Variants in CCM2L observed in about 807,000 individuals in gnomAD.
The protein encoded by CCM2L is CCM2 like scaffold protein.
CCM2L carries 36 observed loss-of-function variants against 54.1 expected under a neutral mutation model. The observed-to-expected ratio is 0.67, with a 90% CI of 0.51 to 0.88. The LOEUF (loss-of-function observed/expected upper bound fraction) is 0.88, where lower values mean the gene tolerates loss of function less well. CCM2L is among the 40% of genes least tolerant of loss of function. CCM2L has a pLI of 0.00. For synonymous variants in CCM2L, 351 were observed against 359.3 expected, an observed-to-expected ratio of 0.98 and a Z score of 0.26; for missense variants, 700 against 812.1, an observed-to-expected ratio of 0.86 and a Z score of 1.68.
At chr20:32,030,932 G>T (rs1439730438) in intron 9 of CCM2L, 69 bp from the exon 10 acceptor site, 1 of 1,260,508 alleles carries the variant, frequency 7.9e-7, no homozygotes. Context: ...GATCTGCAGA[G>T]AGGACGCTTC....
chr20:32,020,665 C>T (rs1386276370), intron 5 of CCM2L, among the ~76,000 whole-genome samples: 1 of 152,200 alleles, frequency 6.6e-6, no homozygotes, highest in Non-Finnish European at 1.5e-5. Flanking sequence ...TTCTCACACA[C>T]ACCCCATATC....
chr20:32,011,176 TCA>T (rs1323853071), intron 1 of CCM2L, among the ~76,000 whole-genome samples: 1 of 132,140 alleles, frequency 7.6e-6, no homozygotes, highest in Non-Finnish European at 1.6e-5. Flanking sequence ...CCCACATGAA[TCA>T]CAGAGGGCTC....
chr20:32,012,703 G>A (rs1354893344), intron 1 of CCM2L, among the ~76,000 whole-genome samples: 2 of 152,144 alleles, frequency 1.3e-5, no homozygotes, highest in Non-Finnish European at 2.9e-5. Flanking sequence ...CACTAGTCTA[G>A]GTCATTTATC....
At chr20:32,025,650 A>G (rs566546210) in intron 6 of CCM2L, among the ~76,000 whole-genome samples, 1 of 151,966 alleles carries the variant, frequency 6.6e-6, no homozygotes, top group South Asian at 2.1e-4. Flanking sequence ...CAAGGCTCCT[A>G]TGAGGTAGGT....
chr20:32,022,329 T>C (rs2064812470), intron 5 of CCM2L, among the ~76,000 whole-genome samples: 1 of 152,190 alleles, frequency 6.6e-6, no homozygotes, highest in South Asian at 2.1e-4. Context: ...GACTAATCAC[T>C]TCCCCTCACT....
Position 32,017,900 on chromosome 20 carries a change from G to A in CCM2L, c.282+17G>A, listed in dbSNP as rs1007560029. On this transcript the variant is annotated intron_variant, in intron 3 of 9. Transcript: ENST00000452892. ...ACCGCCAGGGTGAGACTCTGGGGAG[G>A]GAGGAGGGCAGGATCTCGCTCCCTT... is the stretch of plus-strand genomic sequence containing the variant. 14 of 1,613,630 alleles carry A rather than the reference G, an allele frequency of 8.7e-6. No homozygotes were observed. Among genetic ancestry groups the A allele is most frequent in the Non-Finnish European group, 1.2e-5 (14 of 1,179,908 alleles).
intron 7 of CCM2L, chr20:32,028,573 C>A: frequency 1.1e-5 from 2 of 179,106 alleles, no homozygotes; most frequent in Non-Finnish European, 2.4e-5. Flanking sequence ...AAAGGCCATG[C>A]ATGTCACAGG....
rs1342993502 is a variant in CCM2L at position 32,031,431 on chromosome 20, T to G, written c.*117T>G. ...CCTGGCGGGGCCGGGGGGTCTTCAC[T>G]CCAGGGTCTCGCTCCCTGCCCTTGG... On this transcript the variant is annotated 3_prime_UTR_variant, in exon 10 of 10. Coordinates refer to ENST00000452892, the MANE Select transcript of CCM2L (RefSeq NM_001365692.1). 1.2e-6 allele frequency: 1 copy of G among 842,920 alleles called. No homozygotes were observed. Among genetic ancestry groups the G allele is most frequent in the East Asian group, 6.5e-5 (1 of 15,268 alleles). 52.2% of individuals were successfully genotyped at this position (842,920 alleles called of 1,614,324 possible). A position where few individuals can be genotyped will look rare whatever the true frequency, so the allele number is the denominator to read the frequency against.
Position 32,010,500 on chromosome 20 carries a change from G to A in CCM2L, c.30+16G>A, listed in dbSNP as rs1262875501. On this transcript the variant is annotated intron_variant, in intron 1 of 9. Transcript: ENST00000452892. ...AGGGAAGAAGGTAGGTGGGAGGTTG[G>A]GAGGGACGAAGGGAGAGGAATGTCC... The A allele has an allele frequency of 6.5e-7, 1 of 1,549,842 alleles. No individual in the cohort carries two copies. Among genetic ancestry groups the A allele is most frequent in the East Asian group, 2.4e-5 (1 of 40,874 alleles).
chr20:32,025,276 T>C (rs925997209), intron 6 of CCM2L, among the ~76,000 whole-genome samples: 1 of 151,766 alleles, frequency 6.6e-6, no homozygotes, highest in East Asian at 1.9e-4. Flanking sequence ...TTCTTTTCTT[T>C]TATTTATTTT....
At chr20:32,025,079 CTT>C (rs1364004945) in intron 6 of CCM2L, among the ~76,000 whole-genome samples, 11 of 150,308 alleles carry the variant, frequency 7.3e-5, no homozygotes, top group South Asian at 2.1e-4. Context: ...TTCTTTCTTT[CTT>C]TCTCTCTTTC....
intron 7 of CCM2L, chr20:32,027,903 G>C (rs2064877612): frequency 6.6e-6 from 1 of 152,256 alleles, no homozygotes; most frequent in South Asian, 2.1e-4. Flanking sequence ...GAAAACCAAA[G>C]TCCCTGCTCT....
At chr20:32,010,584 A>G in intron 1 of CCM2L, 100 bp downstream of exon 1, 1 of 1,035,446 alleles carries the variant, frequency 9.7e-7, no homozygotes. Flanking sequence ...CGAGGGGCAT[A>G]AGTGGAGCCT....
intron 1 of CCM2L, among the ~76,000 whole-genome samples, chr20:32,012,248 G>A (rs1027657582): frequency 1.3e-5 from 2 of 152,094 alleles, no homozygotes; most frequent in Non-Finnish European, 2.9e-5. Context: ...CAATAGGCCT[G>A]GGATGGGGTT....
At chr20:32,019,809 T>C (rs1186302890) in intron 5 of CCM2L, among the ~76,000 whole-genome samples, 3 of 152,180 alleles carry the variant, frequency 2.0e-5, no homozygotes, top group African/African-American at 7.2e-5. Context: ...TTACAACTAC[T>C]GTATTCCCAT....
At chr20:32,025,696 G>T (rs1294422717) in intron 6 of CCM2L, among the ~76,000 whole-genome samples, 160 bp from the exon 7 acceptor site, 3 of 152,170 alleles carry the variant, frequency 2.0e-5, no homozygotes, top group Non-Finnish European at 4.4e-5. Context: ...GGGAAGTTGA[G>T]GATCAGGAGA....
intron 2 of CCM2L, among the ~76,000 whole-genome samples, chr20:32,016,919 A>T (rs556526628): frequency 6.6e-6 from 1 of 152,292 alleles, no homozygotes; most frequent in East Asian, 1.9e-4. Flanking sequence ...AGGCTGAGGC[A>T]GGCTGATTAC....
At position 32,029,770 on chromosome 20, in the gene CCM2L, T is replaced by C; in HGVS notation, c.1334T>C (p.Leu445Pro). ...AMLLREYRLG[L>P]PIQDYCTGLL... ...CTGCTGCGGGAGTACCGGCTGGGGC[T>C]GCCCATCCAGGACTATTGCACAGGC... The change falls in exon 9 of 10, where the codon CTG (leucine) becomes CCG (proline). Residue 445 changes from leucine to proline, a missense_variant. Coordinates refer to ENST00000452892, the MANE Select transcript of CCM2L (RefSeq NM_001365692.1). 6.2e-7 allele frequency: 1 copy of C among 1,613,604 alleles called. No individual in the cohort carries two copies. Among genetic ancestry groups the C allele is most frequent in the Non-Finnish European group, 8.5e-7 (1 of 1,179,728 alleles).
Position 32,022,774 on chromosome 20 carries a change from C to A in CCM2L, c.1048C>A (p.Arg350=). The part of the protein sequence containing the change: ...AGYHYTSTPE[R]PWLCSRSESC... Reference sequence around the variant, plus strand: ...CTACCACTACACATCCACACCTGAACGGCCATGGCTCTGCAGCCGCAGTGA... The same window carrying A: ...CTACCACTACACATCCACACCTGAAAGGCCATGGCTCTGCAGCCGCAGTGA... Residue 350 remains arginine, a synonymous_variant, in exon 6 of 10, where the codon CGG becomes AGG. Transcript: ENST00000452892. 1.2e-6 allele frequency: 2 copies of A among 1,613,326 alleles called. No homozygotes were observed. The highest frequency in any genetic ancestry group is 1.3e-5 in the African/African-American group (1 of 74,988).
Sources: allele counts gnomAD v4.1 joint callset (sites outside exome capture counted in the v4.1 genomes callset), GRCh38; gene constraint gnomAD v4.1.1; transcripts MANE v1.5; gene names NCBI Gene and HGNC (gene_info 2026-07-23, HGNC 2026-07-21).